The following TRABD2B variants were observed in gnomAD, a reference collection of about 807,000 sequenced individuals.
TRABD2B encodes TraB domain containing 2B.
Under a neutral mutation model 40.1 loss-of-function variants are expected in TRABD2B, and 14 were observed. The ratio of observed to expected loss-of-function variants is 0.35; its 90% CI spans 0.23 to 0.55. TRABD2B has a LOEUF of 0.55. TRABD2B is among the 20% of genes least tolerant of loss of function. The probability of loss-of-function intolerance (pLI) is 0.90; values close to 1 mark genes in which losing one functional copy is unlikely to be tolerated. For synonymous variants in TRABD2B, 263 were observed against 277.0 expected (o/e 0.95, Z 0.50); for missense variants, 541 against 648.6 (o/e 0.83, Z 1.80).
intron 2 of TRABD2B, among the ~76,000 whole-genome samples, chr1:47,955,414 A>C (rs1396209629): frequency 6.6e-6 from 1 of 152,054 alleles, no homozygotes; most frequent in Admixed American, 6.6e-5. Context: ...CCTAATACTC[A>C]ACTCTGACTA....
intron 2 of TRABD2B, among the ~76,000 whole-genome samples, chr1:47,927,205 G>A (rs948868171): frequency 3.9e-5 from 6 of 152,228 alleles, no homozygotes; most frequent in African/African-American, 1.4e-4. Flanking sequence ...GTGAAGGCCT[G>A]GCACAGTGGC....
Position 47,867,974 on chromosome 1 carries a change from G to A in TRABD2B, c.667-66355C>T, listed in dbSNP as rs576283313. On this transcript the variant is annotated intron_variant, in intron 2 of 6. Transcript: ENST00000606738. ...GAGTTTGGACTTCCTTTATTACCTCGAGGGCAGGAAGAGGAGATCCATTTG... is the reference window on the plus strand; with the variant it reads ...GAGTTTGGACTTCCTTTATTACCTCAAGGGCAGGAAGAGGAGATCCATTTG... Among the ~76,000 whole-genome samples, 11 of 152,264 alleles carry A rather than the reference G, an allele frequency of 7.2e-5. No individual in the cohort carries two copies. In the South Asian group the frequency reaches 1.9e-3, roughly 26 times the overall value.
At chr1:47,913,164 G>A (rs1348056247) in intron 2 of TRABD2B, among the ~76,000 whole-genome samples, 1 of 152,176 alleles carries the variant, frequency 6.6e-6, no homozygotes, top group East Asian at 1.9e-4. Context: ...TCCTTCCCAA[G>A]CTTCTCCTCT....
intron 2 of TRABD2B, among the ~76,000 whole-genome samples, chr1:47,962,320 A>T (rs1645533093): frequency 6.6e-6 from 1 of 152,190 alleles, no homozygotes. Flanking sequence ...TATGTACCAA[A>T]CCTGCACGTT....
At chr1:47,788,847 C>G (rs1009622564) in intron 4 of TRABD2B, among the ~76,000 whole-genome samples, 2 of 152,152 alleles carry the variant, frequency 1.3e-5, no homozygotes, top group African/African-American at 4.8e-5. Context: ...CCTGGTCCAC[C>G]CCTGAGTCCG....
At chr1:47,879,660 T>C (rs11799856) in intron 2 of TRABD2B, among the ~76,000 whole-genome samples, 51,441 of 152,252 alleles carry the variant, frequency 0.34, 8,920 homozygotes, top group Non-Finnish European at 0.37. Context: ...GATTTTTATA[T>C]TATTTGTACT....
At chr1:47,892,805 C>T (rs1644466103) in intron 2 of TRABD2B, among the ~76,000 whole-genome samples, 1 of 152,190 alleles carries the variant, frequency 6.6e-6, no homozygotes, top group Admixed American at 6.5e-5. Flanking sequence ...AAATGGAAGC[C>T]ATCATCGGAA....
chr1:47,778,902 C>G (rs894486235), intron 4 of TRABD2B, among the ~76,000 whole-genome samples: 2 of 152,224 alleles, frequency 1.3e-5, no homozygotes, highest in South Asian at 2.1e-4. Flanking sequence ...ATCTCTGTGC[C>G]TCACACCATG....
chr1:47,846,075 T>C (rs951676897), intron 2 of TRABD2B, among the ~76,000 whole-genome samples: 11 of 152,202 alleles, frequency 7.2e-5, no homozygotes, highest in African/African-American at 2.7e-4. Flanking sequence ...CATACCTGGC[T>C]TTATGGCAAT....
intron 2 of TRABD2B, among the ~76,000 whole-genome samples, chr1:47,834,576 C>CGT (rs1645293592): frequency 7.3e-6 from 1 of 137,178 alleles, no homozygotes; most frequent in African/African-American, 2.5e-5. Context: ...CACACACACA[C>CGT]GCGCACACAC....
chr1:47,944,556 G>A (rs1645233972), intron 2 of TRABD2B, among the ~76,000 whole-genome samples: 1 of 152,162 alleles, frequency 6.6e-6, no homozygotes, highest in Non-Finnish European at 1.5e-5. Context: ...AAAAGAGCAG[G>A]TGGAGGAAGG....
At chr1:47,934,531 C>T (rs1178102517) in intron 2 of TRABD2B, among the ~76,000 whole-genome samples, 3 of 152,260 alleles carry the variant, frequency 2.0e-5, no homozygotes, top group African/African-American at 7.2e-5. Flanking sequence ...CATTCTGCTC[C>T]TTGGATCTCC....
intron 2 of TRABD2B, among the ~76,000 whole-genome samples, chr1:47,973,102 A>G (rs576602287): frequency 5.9e-5 from 9 of 152,222 alleles, no homozygotes; most frequent in Non-Finnish European, 1.2e-4. Context: ...TTTACTGTGG[A>G]AGTAATTCAA....
At chr1:47,927,692 C>T (rs72898171) in intron 2 of TRABD2B, among the ~76,000 whole-genome samples, 3,239 of 152,324 alleles carry the variant, frequency 0.021, 56 homozygotes, top group South Asian at 0.063. Flanking sequence ...GGCTGATCTC[C>T]AGTGTGCCAA....
rs1366397255 is a variant in TRABD2B at position 47,879,969 on chromosome 1, C to CT, written c.667-78351_667-78350insA. On this transcript the variant is annotated intron_variant, in intron 2 of 6. Coordinates refer to ENST00000606738, the MANE Select transcript of TRABD2B (RefSeq NM_001194986.2). ...TCTTTGTCTGGAGTAACAACTGCTT[C>CT]ACTCCTTTTCCACCCTTAGCTTCTA... Among the ~76,000 whole-genome samples the CT allele has an allele frequency of 7.2e-5, 11 of 152,342 alleles. No individual in the cohort carries two copies. The South Asian group carries it at 2.3e-3, about 32-fold the overall frequency.
intron 2 of TRABD2B, among the ~76,000 whole-genome samples, chr1:47,850,280 A>AG (rs1435861384): frequency 1.3e-5 from 2 of 152,218 alleles, no homozygotes; most frequent in African/African-American, 4.8e-5. Flanking sequence ...CGTGTGATGG[A>AG]GGACTTTCTC....
At chr1:47,877,945 A>G (rs1005920954) in intron 2 of TRABD2B, among the ~76,000 whole-genome samples, 1 of 151,674 alleles carries the variant, frequency 6.6e-6, no homozygotes, top group African/African-American at 2.4e-5. Flanking sequence ...AGTGAGCCCA[A>G]GAACATGCAC....
Position 47,989,775 on chromosome 1 carries a change from A to C in TRABD2B, c.666+4259T>G, listed in dbSNP as rs199808504. ...ACACACACACACACACACACACACA[A>C]ACACACACACACACAATTCAGCAGA... is the stretch of plus-strand genomic sequence containing the variant. On this transcript the variant is annotated intron_variant, in intron 2 of 6. Coordinates refer to ENST00000606738, the MANE Select transcript of TRABD2B (RefSeq NM_001194986.2). 1.3e-3 allele frequency among the ~76,000 whole-genome samples: 156 copies of C among 122,018 alleles called. 5 individuals carry two copies. The South Asian group carries it at 0.023, about 18-fold the overall frequency. 80.0% of individuals were successfully genotyped at this position (122,018 alleles called of 152,430 possible). A position where few individuals can be genotyped will look rare whatever the true frequency, so the allele number is the denominator to read the frequency against.
intron 2 of TRABD2B, among the ~76,000 whole-genome samples, chr1:47,905,400 T>A (rs1489951562): frequency 6.6e-6 from 1 of 152,170 alleles, no homozygotes. Context: ...GGGAAATGTC[T>A]GAAGGTTTCC....
Sources: gnomAD v4.1 joint callset for allele counts (sites outside exome capture counted in the v4.1 genomes callset) on GRCh38, gnomAD v4.1.1 for gene constraint, MANE v1.5 for transcripts, NCBI Gene and HGNC (gene_info 2026-07-23, HGNC 2026-07-21) for gene names.